Variants in SLC12A9 observed in about 807,000 individuals in gnomAD.
The protein encoded by SLC12A9 is solute carrier family 12 member 9.
Under a neutral mutation model 66.0 loss-of-function variants are expected in SLC12A9, and 55 were observed. The observed-to-expected ratio is 0.83, with a 90% CI of 0.67 to 1.04. The LOEUF (loss-of-function observed/expected upper bound fraction) is 1.04, where lower values mean the gene tolerates loss of function less well. Ranked by LOEUF, SLC12A9 falls within the 50% of genes least tolerant of loss-of-function variation. The pLI is 0.00. For synonymous variants in SLC12A9, 577 were observed against 569.0 expected, an observed-to-expected ratio of 1.01 and a Z score of -0.20; for missense variants, 1,061 against 1,241.9, an observed-to-expected ratio of 0.85 and a Z score of 2.19.
intron 1 of SLC12A9, chr7:100,827,128 G>A: frequency 7.5e-7 from 1 of 1,340,326 alleles, no homozygotes; most frequent in Non-Finnish European, 1.0e-6. Flanking sequence ...GATACTCCGC[G>A]CGGGACTCCT....
At chr7:100,848,549 T>C (rs991811685), upstream of SLC12A9, among the ~76,000 whole-genome samples, 1 of 150,016 alleles carries the variant, frequency 6.7e-6, no homozygotes, top group Admixed American at 6.7e-5. Context: ...ACAGAAAAAA[T>C]AGAACTATGA....
At chr7:100,860,938 G>A (rs1159193414) in intron 9 of SLC12A9, 200 bp from the exon 10 acceptor site, 18 of 886,592 alleles carry the variant, frequency 2.0e-5, no homozygotes, top group Admixed American at 1.4e-4. Flanking sequence ...CTTTGGGGGT[G>A]CACTGGCACT....
intron 13 of SLC12A9, among the ~76,000 whole-genome samples, chr7:100,863,721 ATCTATGC>A (rs1226805454): frequency 6.6e-6 from 1 of 152,192 alleles, no homozygotes; most frequent in African/African-American, 2.4e-5. Context: ...CACCAGGGTT[ATCTATGC>A]TCAGTCACTG....
chr7:100,863,019 C>A (rs1320847444), intron 13 of SLC12A9, among the ~76,000 whole-genome samples, 192 bp downstream of exon 13: 1 of 151,356 alleles, frequency 6.6e-6, no homozygotes, highest in Non-Finnish European at 1.5e-5. Flanking sequence ...ATGCTAGGGA[C>A]TAGTGATGGG....
rs947911588 is a variant in SLC12A9, at chr7:100,858,636, G to A, written c.758-199G>A. On this transcript the variant is annotated intron_variant, in intron 5 of 13. Coordinates refer to ENST00000354161, the MANE Select transcript of SLC12A9 (RefSeq NM_020246.4). The stretch of plus-strand genomic sequence containing the variant: ...AAAGAGCGTGGATTAGGGTCTGGAG[G>A]GAGGAATATCGGAGCACTGGGGGGA... The A allele has an allele frequency of 2.6e-5, 15 of 573,500 alleles. No individual in the cohort carries two copies. In the African/African-American group the frequency reaches 2.6e-4, roughly 10 times the overall value. 35.5% of individuals were successfully genotyped at this position (573,500 alleles called of 1,614,324 possible). A position where few individuals can be genotyped will look rare whatever the true frequency, so the allele number is the denominator to read the frequency against.
At chr7:100,860,448 G>T (rs1814677690) in intron 9 of SLC12A9, 1 of 574,576 alleles carries the variant, frequency 1.7e-6, no homozygotes, top group Non-Finnish European at 3.1e-6. Context: ...ACCCTGGGAG[G>T]TTCACTGGCA....
chr7:100,858,284 CACCTG>C (rs1814519445), intron 5 of SLC12A9: 1 of 152,384 alleles, frequency 6.6e-6, no homozygotes, highest in African/African-American at 2.4e-5. Flanking sequence ...TGGTGGCGGG[CACCTG>C]TAATCCCAGC....
chr7:100,850,913 T>A (rs939410127), upstream of SLC12A9, among the ~76,000 whole-genome samples: 1 of 151,964 alleles, frequency 6.6e-6, no homozygotes, highest in Non-Finnish European at 1.5e-5. Flanking sequence ...AGAGATGGGG[T>A]ATCACCATGT....
At chr7:100,830,055 GTAAA>G (rs1394241807) in intron 1 of SLC12A9, among the ~76,000 whole-genome samples, 4 of 146,788 alleles carry the variant, frequency 2.7e-5, no homozygotes, top group Admixed American at 6.9e-5. Context: ...AAATAAATAA[GTAAA>G]TAAATAAATA....
Position 100,854,432 on chromosome 7 carries a change from G to T in SLC12A9, c.181+54G>T, listed in dbSNP as rs1217547986. 24 of 1,598,936 alleles carry T rather than the reference G, an allele frequency of 1.5e-5. No individual in the cohort carries two copies. The South Asian group carries it at 2.7e-4, about 18-fold the overall frequency. On this transcript the variant is annotated intron_variant, in intron 2 of 13. Coordinates refer to ENST00000354161, the MANE Select transcript of SLC12A9 (RefSeq NM_020246.4). ...TGACTATAGTATGGGAGGACATGAT[G>T]GGGAGGGGTGGAGATGGGACTGGGA... is the stretch of plus-strand genomic sequence containing the variant.
At chr7:100,858,540 C>T (rs1199842999) in intron 5 of SLC12A9, 7 of 307,596 alleles carry the variant, frequency 2.3e-5, no homozygotes, top group South Asian at 1.8e-4. Context: ...CAGTGAGCTA[C>T]GATGGTGCCA....
chr7:100,843,707 G>A (rs973170636), intron 1 of SLC12A9, among the ~76,000 whole-genome samples: 1 of 152,156 alleles, frequency 6.6e-6, no homozygotes, highest in Non-Finnish European at 1.5e-5. Flanking sequence ...CCATGCTGTG[G>A]TAACTTGAAT....
At chr7:100,836,284 A>G (rs1240297423) in intron 1 of SLC12A9, among the ~76,000 whole-genome samples, 1 of 152,088 alleles carries the variant, frequency 6.6e-6, no homozygotes, top group African/African-American at 2.4e-5. Context: ...CTGGTTAGGG[A>G]AGCTTGGCAC....
chr7:100,827,714 G>A (rs1277068106), intron 1 of SLC12A9, among the ~76,000 whole-genome samples: 1 of 152,204 alleles, frequency 6.6e-6, no homozygotes, highest in African/African-American at 2.4e-5. Context: ...TTGGAGAAGG[G>A]GGAGGGGCGG....
chr7:100,837,869 T>TTTG (rs1554423694), intron 1 of SLC12A9, among the ~76,000 whole-genome samples: 4 of 138,458 alleles, frequency 2.9e-5, no homozygotes, highest in Non-Finnish European at 3.1e-5. Flanking sequence ...TTTTTTTTTT[T>TTTG]TTTTTTTTTG....
At chr7:100,850,082 AGGCT>A (rs1814026732), upstream of SLC12A9, among the ~76,000 whole-genome samples, 1 of 151,946 alleles carries the variant, frequency 6.6e-6, no homozygotes, top group South Asian at 2.1e-4. Context: ...CATTTTGGCC[AGGCT>A]GGTCTTGAAC....
chr7:100,865,530 G>A (rs1815022189), intron 13 of SLC12A9, 189 bp from the exon 14 acceptor site: 7 of 1,556,182 alleles, frequency 4.5e-6, no homozygotes, highest in Middle Eastern at 2.2e-4. Flanking sequence ...ATAAATGCAT[G>A]TGAAAGTGTT....
rs1223967246 is a variant in SLC12A9, at chr7:100,861,585, G to A, written c.1536+1G>A. 6.2e-7 allele frequency: 1 copy of A among 1,612,462 alleles called. No individual in the cohort carries two copies. The highest frequency in any genetic ancestry group is 1.7e-5 in the Admixed American group (1 of 60,000). ...CAGCCAGGCCTTGCTTTTCCACCAG[G>A]TATGGGGAGCTGGTGGGGCGGTGGG... On this transcript the variant is annotated splice_donor_variant, in intron 11 of 13. Coordinates refer to ENST00000354161, the MANE Select transcript of SLC12A9 (RefSeq NM_020246.4). LOFTEE classifies it high-confidence loss of function. This position sits in a 1 kb window ranked among gnomAD's most constrained non-coding sequence, Gnocchi z 5.3.
chr7:100,858,656 G>T (rs537323931), intron 5 of SLC12A9, 179 bp from the exon 6 acceptor site: 3 of 596,394 alleles, frequency 5.0e-6, no homozygotes, highest in South Asian at 2.0e-5. Flanking sequence ...CGGAGCACTG[G>T]GGGGACGTGG....
Sources: allele counts gnomAD v4.1 joint callset (sites outside exome capture counted in the v4.1 genomes callset), GRCh38; gene constraint gnomAD v4.1.1; non-coding constraint Gnocchi (gnomAD v3.1); transcripts MANE v1.5; gene names NCBI Gene and HGNC (gene_info 2026-07-23, HGNC 2026-07-21).